PTPN12: variants seen among roughly 807,000 people sequenced by gnomAD.
PTPN12 encodes the protein protein tyrosine phosphatase non-receptor type 12, also known as tyrosine-protein phosphatase non-receptor type 12.
PTPN12 carries 29 observed loss-of-function variants against 97.6 expected under a neutral mutation model. The ratio of observed to expected loss-of-function variants is 0.30; its 90% confidence interval spans 0.22 to 0.41. The LOEUF (loss-of-function observed/expected upper bound fraction) is 0.41, where lower values mean the gene tolerates loss of function less well. Among genes scored for constraint, PTPN12 ranks in the 10% least tolerant of loss-of-function variants. The pLI is 1.00. For synonymous variants in PTPN12, 327 were observed against 300.4 expected, an observed-to-expected ratio of 1.09 and a Z score of -0.91; for missense variants, 819 against 926.0, an observed-to-expected ratio of 0.88 and a Z score of 1.50.
chr7:77,623,282 A>G (rs1405341435), intron 12 of PTPN12, among the ~76,000 whole-genome samples: 4 of 152,206 alleles, frequency 2.6e-5, no homozygotes, highest in Non-Finnish European at 5.9e-5. Flanking sequence ...ACAAACCCAT[A>G]TATCATACTC....
intron 11 of PTPN12, among the ~76,000 whole-genome samples, chr7:77,614,378 T>C (rs1255896252): frequency 6.6e-6 from 1 of 152,172 alleles, no homozygotes; most frequent in Non-Finnish European, 1.5e-5. Context: ...ATAGGCTCTT[T>C]CTGTCTAATA....
rs186444680 is a variant in PTPN12, at chr7:77,616,316, G to A, written c.940-2164G>A. ...TTTTTTCTGATTTCATAGCTTCATA[G>A]TACTGATTATGCCACTTTGGGGCTG... On this transcript the variant is annotated intron_variant, in intron 11 of 17. Transcript: ENST00000248594. 3.2e-3 allele frequency among the ~76,000 whole-genome samples: 487 copies of A among 151,760 alleles called. 6 individuals are homozygous for A. The highest frequency in any genetic ancestry group is 0.021 in the Admixed American group (327 of 15,260).
chr7:77,625,658 C>T (rs1427694817), intron 12 of PTPN12, among the ~76,000 whole-genome samples: 1 of 146,686 alleles, frequency 6.8e-6, no homozygotes, highest in African/African-American at 2.5e-5. Flanking sequence ...CCATCTCCAC[C>T]TCCTGGGCTC....
At chr7:77,568,290 C>G (rs1439035983) in intron 1 of PTPN12, among the ~76,000 whole-genome samples, 1 of 152,108 alleles carries the variant, frequency 6.6e-6, no homozygotes, top group Non-Finnish European at 1.5e-5. Flanking sequence ...CACATAAAAG[C>G]TTTGTTTTGC....
rs563604825 is a variant in PTPN12, at chr7:77,599,612, T to C, written c.553-1052T>C. 3.9e-5 allele frequency among the ~76,000 whole-genome samples: 6 copies of C among 152,300 alleles called. No homozygotes were observed. In the East Asian group the frequency reaches 1.2e-3, roughly 29 times the overall value. ...TCTGGACTGGTTGCTAATTTTTTAA[T>C]CTACGGTAATAATAATAAGTACCTT... On this transcript the variant is annotated intron_variant, in intron 7 of 17. Transcript: ENST00000248594.
At chr7:77,538,977 CA>C (rs1208576103) in intron 1 of PTPN12, 2 of 152,172 alleles carry the variant, frequency 1.3e-5, no homozygotes, top group Non-Finnish European at 2.9e-5. Context: ...GAAGAATAAT[CA>C]CTTAATTCTG....
At chr7:77,585,316 T>C (rs1787654541) in intron 4 of PTPN12, 1 of 396,058 alleles carries the variant, frequency 2.5e-6, no homozygotes, top group Non-Finnish European at 4.5e-6. Flanking sequence ...ACCAAAAACA[T>C]CATGTTAATT....
intron 11 of PTPN12, among the ~76,000 whole-genome samples, chr7:77,613,167 GTTTTTTTT>G (rs576216122): frequency 1.0e-4 from 9 of 88,534 alleles, no homozygotes; most frequent in Admixed American, 1.6e-4. Context: ...TAATTTTTGG[GTTTTTTTT>G]TTTTTTTTTT....
chr7:77,544,421 G>A (rs1029620485), intron 1 of PTPN12, among the ~76,000 whole-genome samples: 3 of 152,160 alleles, frequency 2.0e-5, no homozygotes, highest in African/African-American at 7.2e-5. Context: ...TTCAGAAGTG[G>A]AAGTGAACTT....
chr7:77,621,466 C>G lies in PTPN12; in HGVS notation c.1025+2901C>G, dbSNP rs77909648. 2.6e-4 allele frequency among the ~76,000 whole-genome samples: 40 copies of G among 152,186 alleles called. No homozygotes were observed. In the East Asian group the frequency reaches 5.8e-3, roughly 22 times the overall value. On this transcript the variant is annotated intron_variant, in intron 12 of 17. Coordinates refer to ENST00000248594, the MANE Select transcript of PTPN12 (RefSeq NM_002835.4). Reference sequence around the variant, plus strand: ...GGTGGATCACCTGAGGTTGGGAGTTCGAGACCAGCCTGGCCACCATAGCGA... The same window carrying G: ...GGTGGATCACCTGAGGTTGGGAGTTGGAGACCAGCCTGGCCACCATAGCGA...
intron 1 of PTPN12, among the ~76,000 whole-genome samples, chr7:77,557,982 G>A (rs959066072): frequency 5.3e-5 from 8 of 151,854 alleles, no homozygotes; most frequent in Admixed American, 2.6e-4. Context: ...AGGCTGAGGC[G>A]GGCAGATCAC....
intron 1 of PTPN12, among the ~76,000 whole-genome samples, chr7:77,565,114 G>C (rs1808206421): frequency 6.6e-6 from 1 of 152,020 alleles, no homozygotes; most frequent in Admixed American, 6.6e-5. Flanking sequence ...AGTGGTGTGT[G>C]GTCTAATAAC....
chr7:77,561,005 A>G (rs1347845915), intron 1 of PTPN12, among the ~76,000 whole-genome samples: 1 of 152,184 alleles, frequency 6.6e-6, no homozygotes, highest in Non-Finnish European at 1.5e-5. Context: ...ATCATTTTAC[A>G]TTTCACAACA....
At chr7:77,574,696 G>A (rs967453416) in intron 2 of PTPN12, among the ~76,000 whole-genome samples, 2 of 152,202 alleles carry the variant, frequency 1.3e-5, no homozygotes, top group Non-Finnish European at 2.9e-5. Context: ...GAGTGTCAGC[G>A]TTGAGAGACC....
chr7:77,584,270 G>T (rs1408737230), intron 4 of PTPN12, among the ~76,000 whole-genome samples: 1 of 152,054 alleles, frequency 6.6e-6, no homozygotes, highest in Non-Finnish European at 1.5e-5. Context: ...TTTGTCTTAC[G>T]GCTTTTTAAT....
In PTPN12 at chr7:77,638,180, G is replaced by C. The variant is rs183816624; in HGVS notation, c.2174-444G>C. ...TCACCATGTTAGCCAGGATGATCTC[G>C]ATATCCTGACCTCATGATCGGCTCG... On this transcript the variant is annotated intron_variant, in intron 16 of 17. Coordinates refer to ENST00000248594, the MANE Select transcript of PTPN12 (RefSeq NM_002835.4). 2.7e-4 allele frequency among the ~76,000 whole-genome samples: 41 copies of C among 151,468 alleles called. 2 individuals carry two copies. The East Asian group carries it at 4.7e-3, about 17-fold the overall frequency.
At chr7:77,588,202 C>G (rs58941835) in intron 5 of PTPN12, among the ~76,000 whole-genome samples, 6,714 of 152,208 alleles carry the variant, frequency 0.044, 301 homozygotes, top group African/African-American at 0.11. Context: ...TTTCAACATG[C>G]CTTCTTTACT....
At chr7:77,593,670 C>T (rs993587322) in intron 6 of PTPN12, among the ~76,000 whole-genome samples, 4 of 152,210 alleles carry the variant, frequency 2.6e-5, no homozygotes, top group African/African-American at 7.2e-5. Flanking sequence ...TGAGGCCCAA[C>T]AACATTATGG....
rs774127386 is a variant in PTPN12 at position 77,636,078 on chromosome 7, ATTG to A, written c.2142+232_2142+234del. Among the ~76,000 whole-genome samples, 177 of 152,272 alleles carry A rather than the reference ATTG, an allele frequency of 1.2e-3. 1 individual carries two copies. The highest frequency in any genetic ancestry group is 4.1e-3 in the African/African-American group (171 of 41,544). On this transcript the variant is annotated intron_variant, in intron 15 of 17. Coordinates refer to ENST00000248594, the MANE Select transcript of PTPN12 (RefSeq NM_002835.4). Reference sequence around the variant, plus strand: ...CTACATACAACTATCACTTTAAAGTATTGTTTTCTCAAGCTGTTTTTGAAATAT... The same window carrying A: ...CTACATACAACTATCACTTTAAAGTATTTTCTCAAGCTGTTTTTGAAATAT...
Sources: gnomAD v4.1 joint callset for allele counts (sites outside exome capture counted in the v4.1 genomes callset) on GRCh38, gnomAD v4.1.1 for gene constraint, MANE v1.5 for transcripts, NCBI Gene and HGNC (gene_info 2026-07-23, HGNC 2026-07-21) for gene names.